MAN2B1: variants seen among roughly 807,000 people sequenced by gnomAD.
MAN2B1 encodes the protein mannosidase alpha class 2B member 1, also known as lysosomal alpha-mannosidase.
In MAN2B1, 99 loss-of-function variants were observed where a neutral mutation model predicts 127.5. That is an observed-to-expected ratio of 0.78 (90% CI 0.66 to 0.92). The LOEUF (loss-of-function observed/expected upper bound fraction) is 0.92, where lower values mean the gene tolerates loss of function less well. MAN2B1 is among the 40% of genes least tolerant of loss of function. The pLI is 0.00. For synonymous variants in MAN2B1, 573 were observed against 568.8 expected, an observed-to-expected ratio of 1.01 and a Z score of -0.11; for missense variants, 1,304 against 1,384.8, an observed-to-expected ratio of 0.94 and a Z score of 0.93.
chr19:12,649,254 C>A (rs1230340193), intron 19 of MAN2B1, 38 bp from the exon 20 acceptor site: 1 of 1,608,580 alleles, frequency 6.2e-7, no homozygotes, highest in Admixed American at 1.7e-5. Flanking sequence ...GCAGTCAACC[C>A]CAACCCCAGG....
rs1015276079 is a variant in MAN2B1, at chr19:12,656,809, C to T, written c.1528-122G>A. On this transcript the variant is annotated intron_variant, in intron 12 of 23. Coordinates refer to ENST00000456935, the MANE Select transcript of MAN2B1 (RefSeq NM_000528.4). ...GTCACGGCACTTAAGGCCAAGCCCC[C>T]TCGAGATGCGTTGTTCTCTCTGCTG... 1.2e-4 allele frequency: 125 copies of T among 1,037,826 alleles called. 1 individual carries two copies. Among genetic ancestry groups the T allele is most frequent in the Admixed American group, 3.1e-4 (18 of 58,790 alleles). 64.3% of individuals were successfully genotyped at this position (1,037,826 alleles called of 1,614,324 possible).
chr19:12,660,408 A>C (rs762049829), intron 7 of MAN2B1, among the ~76,000 whole-genome samples: 4 of 152,200 alleles, frequency 2.6e-5, no homozygotes, highest in Non-Finnish European at 4.4e-5. Context: ...AGGCTGAGAC[A>C]GAAGAATCAC....
Position 12,663,819 on chromosome 19 carries a change from A to G in MAN2B1, c.647T>C (p.Phe216Ser). ...SLFAQMGFDG[F>S]FFGRLDYQDK... The stretch of plus-strand genomic sequence containing the variant: ...TTGATAATCAAGGCGCCCAAAGAAG[A>G]AGCCGTCGAAGCCCATCTGGGGATG... The change falls in exon 5 of 24, where the codon TTC (phenylalanine) becomes TCC (serine). Residue 216 changes from phenylalanine to serine, a missense_variant. Phe to Ser is a radical substitution (Grantham distance 155). Transcript: ENST00000456935. The G allele has an allele frequency of 6.2e-7, 1 of 1,614,122 alleles. No individual in the cohort carries two copies. The highest frequency in any genetic ancestry group is 1.1e-5 in the South Asian group (1 of 91,076).
intron 14 of MAN2B1, among the ~76,000 whole-genome samples, chr19:12,654,192 G>A (rs541570470): frequency 1.6e-4 from 24 of 151,630 alleles, no homozygotes; most frequent in African/African-American, 5.6e-4. Context: ...ACAGATGCTC[G>A]CCACCACGCC....
chr19:12,653,149 T>G lies in MAN2B1; in HGVS notation c.1831-689A>C, dbSNP rs565432741. On this transcript the variant is annotated intron_variant, in intron 14 of 23. Transcript: ENST00000456935. ...GCACCTGGCCTGGGTTTTTTGTTTT[T>G]TTTTTTTTTTTGAGACTGAGTCTCG... is the stretch of plus-strand genomic sequence containing the variant. Among the ~76,000 whole-genome samples, 30 of 148,762 alleles carry G rather than the reference T, an allele frequency of 2.0e-4. No homozygotes were observed. In the East Asian group the frequency reaches 3.4e-3, roughly 17 times the overall value.
chr19:12,655,761 G>T lies in MAN2B1; in HGVS notation c.1763C>A (p.Pro588His), dbSNP rs1442786010. ...YSVAQVPRWKPQARAPQPIPR... is the reference protein window; with the variant it reads ...YSVAQVPRWKHQARAPQPIPR... ...GATGGGCTGTGGTGCGCGGGCCTGG[G>T]GCTTCCAGCGAGGCACCTGGGCTAC... The change falls in exon 14 of 24, where the codon CCC becomes CAC. Residue 588 changes from proline (P) to histidine (H), a missense_variant. Physicochemically the swap from Pro to His is moderately conservative, Grantham distance 77. Transcript: ENST00000456935. 6.2e-7 allele frequency: 1 copy of T among 1,609,254 alleles called. No homozygotes were observed. The highest frequency in any genetic ancestry group is 8.5e-7 in the Non-Finnish European group (1 of 1,176,206).
At position 12,649,974 on chromosome 19, in the gene MAN2B1, G is replaced by A; in HGVS notation, c.2206C>T (p.Pro736Ser). 3.7e-6 allele frequency: 6 copies of A among 1,613,992 alleles called. No homozygotes were observed. The highest frequency in any genetic ancestry group is 5.1e-6 in the Non-Finnish European group (6 of 1,180,006). The change falls in exon 18 of 24, where the codon CCG (proline) becomes TCG (serine). Residue 736 changes from proline to serine, a missense_variant. Physicochemically the swap from Pro to Ser is moderately conservative, Grantham distance 74 (BLOSUM62 -1). Transcript: ENST00000456935. ...GKEVISRFDT[P>S]LETKGRFYTD... ...TAGAAGCGTCCCTTTGTCTCCAGCG[G>A]TGTGTCAAAACGGCTGATGACCTCC...
chr19:12,665,902 G>T, intron 1 of MAN2B1, 97 bp from the exon 2 acceptor site: 2 of 891,976 alleles, frequency 2.2e-6, no homozygotes, highest in East Asian at 5.1e-5. Context: ...ACTCAGAGAG[G>T]CCTGATCTCG....
At chr19:12,649,240 G>GA (rs2145229099) in intron 19 of MAN2B1, 24 bp from the exon 20 acceptor site, 1 of 1,612,066 alleles carries the variant, frequency 6.2e-7, no homozygotes, top group South Asian at 1.1e-5. Flanking sequence ...GGTGAAAGTA[G>GA]AGGGCAGTCA....
At chr19:12,654,225 GT>G (rs1452439751) in intron 14 of MAN2B1, among the ~76,000 whole-genome samples, 1 of 151,610 alleles carries the variant, frequency 6.6e-6, no homozygotes, top group African/African-American at 2.4e-5. Flanking sequence ...TTGTATTTTT[GT>G]AGAGTCAGGG....
intron 6 of MAN2B1, among the ~76,000 whole-genome samples, chr19:12,663,000 T>C (rs993831084): frequency 6.7e-6 from 1 of 149,200 alleles, no homozygotes; most frequent in Non-Finnish European, 1.5e-5. Context: ...GTGCGGTGGC[T>C]CATGCCTGTA....
At position 12,658,136 on chromosome 19, in the gene MAN2B1, G is replaced by T. The variant is rs2024015975; in HGVS notation, c.1236C>A (p.Cys412Ter). The T allele has an allele frequency of 6.2e-7, 1 of 1,613,392 alleles. No individual in the cohort carries two copies. Among genetic ancestry groups the T allele is most frequent in the African/African-American group, 1.3e-5 (1 of 74,928 alleles). ...ERLSYNFLQV[C>*]NQLEALVGLA... is the part of the protein sequence containing the mutation. The stretch of plus-strand genomic sequence containing the variant: ...GGCCCACCAGCGCCTCCAGCTGGTT[G>T]CACACCTGGAGGCAGAGGGGTATGT... The change falls in exon 10 of 24, where the codon TGC becomes TGA. Residue 412 changes from cysteine to a stop codon, truncating the protein, a stop_gained. Transcript: ENST00000456935. LOFTEE classifies it high-confidence loss of function.
intron 1 of MAN2B1, 94 bp from the exon 2 acceptor site, chr19:12,665,899 G>A (rs2024223835): frequency 1.0e-6 from 1 of 965,538 alleles, no homozygotes; most frequent in Non-Finnish European, 1.6e-6. Flanking sequence ...GTGACTCAGA[G>A]AGGCCTGATC....
At position 12,649,067 on chromosome 19, in the gene MAN2B1, A is replaced by C. The variant is rs2023771420; in HGVS notation, c.2436+69T>G. ...GAAAGCAGAGAACTGGGCCAGAAACAGCCTTCAAGGTCCAGCAGGGGTCCA... is the reference window on the plus strand; with the variant it reads ...GAAAGCAGAGAACTGGGCCAGAAACCGCCTTCAAGGTCCAGCAGGGGTCCA... On this transcript the variant is annotated intron_variant, in intron 20 of 23. Coordinates refer to ENST00000456935, the MANE Select transcript of MAN2B1 (RefSeq NM_000528.4). The C allele has an allele frequency of 6.0e-6, 8 of 1,336,748 alleles. No individual in the cohort carries two copies. In the Admixed American group the frequency reaches 7.1e-5, roughly 12 times the overall value. The allele number at this position is 1,336,748 out of a possible 1,614,324, so 82.8% of individuals were successfully genotyped here.
At chr19:12,657,227 C>T (rs752536785) in intron 11 of MAN2B1, 171 bp from the exon 12 acceptor site, 1 of 708,596 alleles carries the variant, frequency 1.4e-6, no homozygotes, top group South Asian at 1.5e-5. Flanking sequence ...GCTGTCTCCG[C>T]CTCCTCTTGC....
chr19:12,648,670 A>G (rs1306246598), intron 20 of MAN2B1, among the ~76,000 whole-genome samples: 1 of 152,074 alleles, frequency 6.6e-6, no homozygotes. Flanking sequence ...CAGGAGATGG[A>G]GAAAAACGGA....
At chr19:12,652,086 C>T (rs1006014957) in intron 16 of MAN2B1, 67 bp downstream of exon 16, 3 of 1,233,330 alleles carry the variant, frequency 2.4e-6, no homozygotes, top group East Asian at 2.3e-5. Flanking sequence ...ACACATGGCC[C>T]ACCACCCTCT....
rs541712525 is a variant in MAN2B1 at position 12,647,521 on chromosome 19, C to G, written c.2742G>C (p.Leu914=). ...TLASWGPEMV[L]LRLEHQFAVG... ...CGGCAAACTGGTGCTCCAAGCGCAGCAGCACCATTTCGGGGCCCCAGCTGG... is the reference window on the plus strand; with the variant it reads ...CGGCAAACTGGTGCTCCAAGCGCAGGAGCACCATTTCGGGGCCCCAGCTGG... Residue 914 remains leucine (L), a synonymous_variant, in exon 22 of 24, where the codon CTG becomes CTC. Coordinates refer to ENST00000456935, the MANE Select transcript of MAN2B1 (RefSeq NM_000528.4). The surrounding 1 kb of genome is among the most constrained non-coding windows in gnomAD (Gnocchi z 4.9). 1 of 1,614,198 alleles carries G rather than the reference C, an allele frequency of 6.2e-7. No homozygotes were observed. The highest frequency in any genetic ancestry group is 2.2e-5 in the East Asian group (1 of 44,882).
At chr19:12,653,105 A>T (rs1434976243) in intron 14 of MAN2B1, among the ~76,000 whole-genome samples, 1 of 146,416 alleles carries the variant, frequency 6.8e-6, no homozygotes, top group Non-Finnish European at 1.5e-5. Flanking sequence ...AAGGGCTGGG[A>T]TTACAGGCGT....
Sources: gnomAD v4.1 joint callset for allele counts (sites outside exome capture counted in the v4.1 genomes callset) on GRCh38, gnomAD v4.1.1 for gene constraint, Gnocchi (gnomAD v3.1) non-coding constraint, MANE v1.5 for transcripts, NCBI Gene and HGNC (gene_info 2026-07-23, HGNC 2026-07-21) for gene names.